Variants in BYSL observed in about 807,000 individuals in gnomAD.
BYSL encodes bystin.
BYSL carries 21 observed loss-of-function variants against 45.4 expected under a neutral mutation model. The observed-to-expected ratio is 0.46, with a 90% confidence interval of 0.33 to 0.67. The LOEUF is 0.67. Ranked by LOEUF, BYSL falls within the 30% of genes least tolerant of loss-of-function variation. The pLI is 0.02. For synonymous variants in BYSL, 215 were observed against 231.3 expected (o/e 0.93, Z 0.64); for missense variants, 522 against 578.5 (o/e 0.90, Z 1.00).
intron 2 of BYSL, among the ~76,000 whole-genome samples, chr6:41,929,799 A>G (rs1486137623): frequency 6.6e-6 from 1 of 152,206 alleles, no homozygotes; most frequent in Non-Finnish European, 1.5e-5. Flanking sequence ...AGGCATAGAG[A>G]GGTAAAGTAA....
In BYSL at chr6:41,921,676, G is replaced by C. The variant is rs1471128352; in HGVS notation, c.114G>C (p.Arg38=). The C allele has an allele frequency of 1.9e-6, 3 of 1,613,152 alleles. No individual in the cohort carries two copies. In the African/African-American group the frequency reaches 4.0e-5, roughly 22 times the overall value. Residue 38 remains arginine, a synonymous_variant, in exon 1 of 7, where the codon CGG becomes CGC. Transcript: ENST00000230340. ...GGGCGGGGGTCCGGGAGAAGCGGCG[G>C]GGTCGCGGGACAGGAGAAGCGGAGG... ...AVRAGVREKR[R]GRGTGEAEEE... is the part of the protein sequence containing the mutation.
upstream of BYSL, among the ~76,000 whole-genome samples, chr6:41,918,993 G>C (rs1211512307): frequency 1.3e-5 from 2 of 150,242 alleles, no homozygotes; most frequent in African/African-American, 4.9e-5. Flanking sequence ...GCCAGGCATG[G>C]TGGTGGGCGC....
upstream of BYSL, among the ~76,000 whole-genome samples, chr6:41,920,207 A>C (rs929638948): frequency 1.3e-5 from 2 of 152,202 alleles, no homozygotes. Flanking sequence ...AATTAAACAT[A>C]GTGGGAAACG....
chr6:41,911,012 G>A, the BYSL span, among the ~76,000 whole-genome samples: 1 of 151,598 alleles, frequency 6.6e-6, no homozygotes, highest in Non-Finnish European at 1.5e-5. Flanking sequence ...GGGAGGCTGA[G>A]GCAGGAGAAG....
chr6:41,927,594 G>C lies in BYSL; in HGVS notation c.431+58G>C, dbSNP rs1358583154. ...GTAGAAAGTTCCCACAGGAAAACAAGTTCCCTGGCAGACTTATGATTCCCT... is the reference window on the plus strand; with the variant it reads ...GTAGAAAGTTCCCACAGGAAAACAACTTCCCTGGCAGACTTATGATTCCCT... On this transcript the variant is annotated intron_variant, in intron 2 of 6. Transcript: ENST00000230340. The C allele has an allele frequency of 1.9e-6, 3 of 1,591,400 alleles. 1 individual carries two copies. Among genetic ancestry groups the C allele is most frequent in the Non-Finnish European group, 2.6e-6 (3 of 1,164,564 alleles).
chr6:41,913,642 G>A, the BYSL span, among the ~76,000 whole-genome samples: 1 of 152,164 alleles, frequency 6.6e-6, no homozygotes, highest in East Asian at 1.9e-4. Flanking sequence ...GCTCATGCCT[G>A]TAATCCTAGC....
chr6:41,910,556 C>T, the BYSL span, among the ~76,000 whole-genome samples: 1 of 150,544 alleles, frequency 6.6e-6, no homozygotes, highest in African/African-American at 2.4e-5. Context: ...CACCTGAACC[C>T]AGGAGGCAGA....
At position 41,927,480 on chromosome 6, in the gene BYSL, G is replaced by C; in HGVS notation, c.375G>C (p.Val125=). The C allele has an allele frequency of 6.2e-7, 1 of 1,614,144 alleles. No homozygotes were observed. The highest frequency in any genetic ancestry group is 1.1e-5 in the South Asian group (1 of 91,078). Residue 125 remains valine (V), a synonymous_variant, in exon 2 of 7, where the codon GTG becomes GTC. Transcript: ENST00000230340. ...TAAGHHAEVV[V]DPEDERAIEM... ...CGGGCCATCATGCAGAGGTGGTTGT[G>C]GACCCTGAGGATGAGCGTGCCATAG...
the BYSL span, among the ~76,000 whole-genome samples, chr6:41,914,272 A>G: frequency 1.4e-4 from 22 of 152,194 alleles, no homozygotes; most frequent in Non-Finnish European, 8.8e-5. Flanking sequence ...ATGGCTAGAG[A>G]CACTGCCCAG....
upstream of BYSL, chr6:41,917,011 A>C: frequency 6.5e-7 from 1 of 1,534,198 alleles, no homozygotes; most frequent in African/African-American, 1.4e-5. Context: ...TCACTCGCCC[A>C]CAGCATCACA....
the BYSL span, chr6:41,912,969 G>C: frequency 6.6e-6 from 1 of 152,068 alleles, no homozygotes; most frequent in African/African-American, 2.4e-5. Flanking sequence ...AGTTAGCCAG[G>C]TATAGTGGCA....
upstream of BYSL, chr6:41,916,658 A>G: frequency 8.4e-7 from 1 of 1,190,174 alleles, no homozygotes; most frequent in East Asian, 2.4e-5. Flanking sequence ...TAATGACGTC[A>G]AAAACACATC....
In BYSL at chr6:41,931,565, C is replaced by T. The variant is rs757842592; in HGVS notation, c.865+9C>T. The T allele has an allele frequency of 1.2e-6, 2 of 1,614,132 alleles. No individual in the cohort carries two copies. The highest frequency in any genetic ancestry group is 2.2e-5 in the South Asian group (2 of 91,086). ...TGGAGCCTGGTTCAAAGGTGGGATC[C>T]CAGAGGCACGGAAGAAAGGGAAGGG... On this transcript the variant is annotated intron_variant, in intron 5 of 6. Transcript: ENST00000230340.
chr6:41,925,768 C>G (rs1464675274), intron 1 of BYSL, among the ~76,000 whole-genome samples: 1 of 152,122 alleles, frequency 6.6e-6, no homozygotes, highest in East Asian at 1.9e-4. Flanking sequence ...TCACCTCAAC[C>G]TCCACCTCCC....
At chr6:41,912,005 G>A in the BYSL span, among the ~76,000 whole-genome samples, 1 of 151,882 alleles carries the variant, frequency 6.6e-6, no homozygotes, top group African/African-American at 2.4e-5. Flanking sequence ...TGCGCTTAAT[G>A]AAGAAGGCAC....
upstream of BYSL, among the ~76,000 whole-genome samples, chr6:41,919,677 G>C (rs1283876296): frequency 6.6e-6 from 1 of 152,102 alleles, no homozygotes; most frequent in Non-Finnish European, 1.5e-5. Context: ...TGTCTATAAT[G>C]CCAATACTTT....
chr6:41,925,575 G>C lies in BYSL; in HGVS notation c.269-1799G>C, dbSNP rs926978675. 6.7e-4 allele frequency among the ~76,000 whole-genome samples: 102 copies of C among 152,242 alleles called. 1 individual carries two copies. Among genetic ancestry groups the C allele is most frequent in the African/African-American group, 2.5e-3 (102 of 41,564 alleles). ...AGACGGGGTTTCACCGTGTTAGCCA[G>C]GATGGTCTCGGTCTCCTGACCTCGT... On this transcript the variant is annotated intron_variant, in intron 1 of 6. Transcript: ENST00000230340.
In BYSL at chr6:41,921,554, T is replaced by G. The variant is rs1431283507; in HGVS notation, c.-9T>G. 2 of 1,555,658 alleles carry G rather than the reference T, an allele frequency of 1.3e-6. No individual in the cohort carries two copies. The highest frequency in any genetic ancestry group is 3.8e-5 in the Admixed American group (2 of 52,924). On this transcript the variant is annotated 5_prime_UTR_variant, in exon 1 of 7. Coordinates refer to ENST00000230340, the MANE Select transcript of BYSL (RefSeq NM_004053.4). Reference sequence around the variant, plus strand: ...CGTGCGATCCTTCCCGGCAACTTTTTCGAGAAAAATGCCCAAATTCAAGGC... The same window carrying G: ...CGTGCGATCCTTCCCGGCAACTTTTGCGAGAAAAATGCCCAAATTCAAGGC...
Position 41,930,275 on chromosome 6 carries a change from G to A in BYSL, c.570+5G>A, listed in dbSNP as rs748347690. On this transcript the variant is annotated splice_donor_5th_base_variant and intron_variant, in intron 3 of 6. Coordinates refer to ENST00000230340, the MANE Select transcript of BYSL (RefSeq NM_004053.4). ...GTGTACAGGGGGGTCCGGGAGGTAA[G>A]AGCTGAGAGGGGAGCCATGGTGGAA... 1.2e-6 allele frequency: 2 copies of A among 1,612,792 alleles called. No homozygotes were observed. Among genetic ancestry groups the A allele is most frequent in the African/African-American group, 1.3e-5 (1 of 75,004 alleles).
Sources: gnomAD v4.1 joint callset for allele counts (sites outside exome capture counted in the v4.1 genomes callset) on GRCh38, gnomAD v4.1.1 for gene constraint, MANE v1.5 for transcripts, NCBI Gene and HGNC (gene_info 2026-07-23, HGNC 2026-07-21) for gene names.